FBXL17: variants seen among roughly 807,000 people sequenced by gnomAD.
The protein encoded by FBXL17 is F-box and leucine rich repeat protein 17, also known as F-box/LRR-repeat protein 17.
Under a neutral mutation model 66.2 loss-of-function variants are expected in FBXL17, and 22 were observed. The observed-to-expected ratio is 0.33, with a 90% CI of 0.24 to 0.47. FBXL17 has a LOEUF of 0.47. Among genes scored for constraint, FBXL17 ranks in the 20% least tolerant of loss-of-function variants. The pLI, the probability that FBXL17 is intolerant of heterozygous loss-of-function variation, is 1.00. For missense variants in FBXL17, 878 were observed against 948.2 expected (o/e 0.93, Z 0.97); for synonymous variants, 474 against 400.5 (o/e 1.18, Z -2.19).
intron 7 of FBXL17, among the ~76,000 whole-genome samples, chr5:107,946,620 C>T (rs1751307605): frequency 6.6e-6 from 1 of 151,838 alleles, no homozygotes; most frequent in Non-Finnish European, 1.5e-5. Flanking sequence ...CTCATTTAAT[C>T]TTGAATCACA....
At chr5:107,926,907 T>G (rs1470796771) in intron 7 of FBXL17, among the ~76,000 whole-genome samples, 8 of 152,122 alleles carry the variant, frequency 5.3e-5, no homozygotes, top group African/African-American at 1.9e-4. Flanking sequence ...ACTATTTACT[T>G]GAATTTTGTT....
At chr5:107,943,581 A>G (rs559045403) in intron 7 of FBXL17, among the ~76,000 whole-genome samples, 23 of 146,420 alleles carry the variant, frequency 1.6e-4, no homozygotes, top group African/African-American at 5.9e-4. Flanking sequence ...TACTGCAATC[A>G]TTGTAGTTAA....
intron 7 of FBXL17, among the ~76,000 whole-genome samples, chr5:107,968,066 G>T (rs1009789784): frequency 1.3e-5 from 2 of 152,084 alleles, no homozygotes; most frequent in Non-Finnish European, 2.9e-5. Context: ...TTGATTATGT[G>T]TTAAGTTTTA....
chr5:108,242,349 T>TTTGTTGTTGTTGTTGTTG (rs70996988), intron 4 of FBXL17, among the ~76,000 whole-genome samples: 2 of 146,810 alleles, frequency 1.4e-5, no homozygotes, highest in Admixed American at 6.9e-5. Context: ...GCCTGGCTAG[T>TTTGTTGTTGTTGTTGTTG]TTGTTGTTGT....
intron 7 of FBXL17, among the ~76,000 whole-genome samples, chr5:108,018,732 C>G (rs1337169697): frequency 1.3e-5 from 2 of 152,080 alleles, no homozygotes; most frequent in Non-Finnish European, 2.9e-5. Flanking sequence ...TGATCAATTT[C>G]TTATCACCAC....
At chr5:108,371,474 A>G (rs926919304) in intron 1 of FBXL17, among the ~76,000 whole-genome samples, 1 of 152,240 alleles carries the variant, frequency 6.6e-6, no homozygotes, top group African/African-American at 2.4e-5. Flanking sequence ...ATAAAACACG[A>G]TTTACAAAAA....
chr5:107,902,649 G>GAAGAT (rs1749608484), intron 7 of FBXL17, among the ~76,000 whole-genome samples: 2 of 152,082 alleles, frequency 1.3e-5, no homozygotes. Context: ...AAGTAAAGCA[G>GAAGAT]CTACCTGAAG....
At chr5:108,256,932 T>A (rs1052181934) in intron 4 of FBXL17, among the ~76,000 whole-genome samples, 2 of 152,136 alleles carry the variant, frequency 1.3e-5, no homozygotes, top group African/African-American at 2.4e-5. Flanking sequence ...CACTAAAGGA[T>A]ATTTTTAAAG....
chr5:108,324,742 G>A (rs201131882), intron 4 of FBXL17, among the ~76,000 whole-genome samples: 1,516 of 39,202 alleles, frequency 0.039, 22 homozygotes, highest in African/African-American at 0.14. Context: ...GTATATATAT[G>A]TGTGTGTGTG....
chr5:108,013,993 A>C (rs922681649), intron 7 of FBXL17, among the ~76,000 whole-genome samples: 1 of 152,206 alleles, frequency 6.6e-6, no homozygotes, highest in African/African-American at 2.4e-5. Context: ...TCCATCAGTG[A>C]TATAATACTG....
chr5:108,014,434 G>T (rs935988232), intron 7 of FBXL17, among the ~76,000 whole-genome samples: 1 of 152,024 alleles, frequency 6.6e-6, no homozygotes, highest in Non-Finnish European at 1.5e-5. Flanking sequence ...TTAAAAAAAC[G>T]ACTAAATGTG....
At chr5:108,222,891 T>C (rs116607156) in intron 5 of FBXL17, among the ~76,000 whole-genome samples, 8,486 of 151,788 alleles carry the variant, frequency 0.056, 802 homozygotes, top group African/African-American at 0.19. Flanking sequence ...CCAGGCTGAT[T>C]TCAGACTCCT....
At chr5:108,248,102 A>G (rs1756185441) in intron 4 of FBXL17, among the ~76,000 whole-genome samples, 1 of 152,188 alleles carries the variant, frequency 6.6e-6, no homozygotes, top group Non-Finnish European at 1.5e-5. Context: ...GGTTCCTAGG[A>G]AAATCTCAAC....
intron 5 of FBXL17, among the ~76,000 whole-genome samples, chr5:108,199,233 TAAAC>T (rs1443582771): frequency 3.9e-5 from 6 of 152,070 alleles, no homozygotes; most frequent in African/African-American, 1.4e-4. Context: ...TTAAAACAAA[TAAAC>T]AAGTACAGAC....
At chr5:108,158,079 A>T (rs1752063523) in intron 6 of FBXL17, among the ~76,000 whole-genome samples, 1 of 152,138 alleles carries the variant, frequency 6.6e-6, no homozygotes, top group South Asian at 2.1e-4. Flanking sequence ...AAAATCCTAG[A>T]GAAGACTGGG....
chr5:108,292,067 A>C (rs1758134496), intron 4 of FBXL17, among the ~76,000 whole-genome samples: 1 of 152,160 alleles, frequency 6.6e-6, no homozygotes, highest in Non-Finnish European at 1.5e-5. Context: ...AAAATTATTT[A>C]ATGCCTCCCC....
chr5:107,879,705 ATTTAGT>A, intron 8 of FBXL17: 1 of 985,442 alleles, frequency 1.0e-6, no homozygotes, highest in African/African-American at 1.7e-5. Flanking sequence ...TGGCGTGTCT[ATTTAGT>A]TTCACATTAT....
intron 6 of FBXL17, among the ~76,000 whole-genome samples, chr5:108,165,016 T>C (rs1463158532): frequency 6.6e-6 from 1 of 152,124 alleles, no homozygotes; most frequent in African/African-American, 2.4e-5. Flanking sequence ...GACACAGACA[T>C]CGAAATTCGA....
intron 6 of FBXL17, among the ~76,000 whole-genome samples, chr5:108,071,482 C>T (rs1172165147): frequency 6.6e-6 from 1 of 152,184 alleles, no homozygotes; most frequent in African/African-American, 2.4e-5. Context: ...ATGGATTCCT[C>T]TTTGGGCCAA....
Sources: gnomAD v4.1 joint callset for allele counts (sites outside exome capture counted in the v4.1 genomes callset) on GRCh38, gnomAD v4.1.1 for gene constraint, MANE v1.5 for transcripts, NCBI Gene and HGNC (gene_info 2026-07-23, HGNC 2026-07-21) for gene names.